Variants in RPL26 observed in about 807,000 individuals in gnomAD.
The protein encoded by RPL26 is large ribosomal subunit protein uL24.
RPL26 carries 1 observed loss-of-function variant against 16.2 expected under a neutral mutation model. The ratio of observed to expected loss-of-function variants is 0.06; its 90% CI spans 0.02 to 0.29. The LOEUF (loss-of-function observed/expected upper bound fraction) is 0.29. Among genes scored for constraint, RPL26 ranks in the 10% least tolerant of loss-of-function variants. The probability of loss-of-function intolerance (pLI) is 1.00; values close to 1 mark genes in which losing one functional copy is unlikely to be tolerated. For synonymous variants in RPL26, 55 were observed against 62.4 expected (o/e 0.88, Z 0.56); for missense variants, 102 against 184.3 (o/e 0.55, Z 2.58).
chr17:8,383,147 G>T lies in RPL26; in HGVS notation c.-6+10C>A. ...TGCTGATTACACCCGCTTGCCCGCC[G>T]AATCCTTACCCGCTCCCGCTTCGGT... On this transcript the variant is annotated intron_variant, in intron 1 of 3. Transcript: ENST00000648839. 2 of 398,652 alleles carry T rather than the reference G, an allele frequency of 5.0e-6. No individual in the cohort carries two copies. Among genetic ancestry groups the T allele is most frequent in the Non-Finnish European group, 8.8e-6 (2 of 226,106 alleles). The allele number at this position is 398,652 out of a possible 1,614,324, so 24.7% of individuals were successfully genotyped here.
Position 8,382,312 on chromosome 17 carries a change from T to G in RPL26, c.-2A>C. 1 of 1,607,246 alleles carries G rather than the reference T, an allele frequency of 6.2e-7. No individual in the cohort carries two copies. The highest frequency in any genetic ancestry group is 8.5e-7 in the Non-Finnish European group (1 of 1,176,024). ...AGTCACAAAGGGATTAAACTTCATT[T>G]TGGCTAAATAAAAAGTTAAAAAGAC... On this transcript the variant is annotated 5_prime_UTR_variant, in exon 2 of 4. Transcript: ENST00000648839.
At position 8,382,330 on chromosome 17, in the gene RPL26, A is replaced by G. The variant is rs1262443962; in HGVS notation, c.-5-15T>C. ...CTTCATTTTGGCTAAATAAAAAGTTAAAAAGACTCTTAAATGACCAAAATC... is the reference window on the plus strand; with the variant it reads ...CTTCATTTTGGCTAAATAAAAAGTTGAAAAGACTCTTAAATGACCAAAATC... On this transcript the variant is annotated splice_polypyrimidine_tract_variant and intron_variant, in intron 1 of 3. Coordinates refer to ENST00000648839, the MANE Select transcript of RPL26 (RefSeq NM_000987.5). 1 of 1,598,304 alleles carries G rather than the reference A, an allele frequency of 6.3e-7. No individual in the cohort carries two copies. The highest frequency in any genetic ancestry group is 2.2e-5 in the East Asian group (1 of 44,688).
chr17:8,383,013 G>T (rs1207538229), intron 1 of RPL26, 144 bp downstream of exon 1: 3 of 398,394 alleles, frequency 7.5e-6, no homozygotes, highest in Non-Finnish European at 1.3e-5. Context: ...ATTTAAGAAA[G>T]CAACAGATAA....
chr17:8,382,066 T>C, intron 2 of RPL26, 77 bp downstream of exon 2: 1 of 1,298,866 alleles, frequency 7.7e-7, no homozygotes, highest in Non-Finnish European at 1.1e-6. Flanking sequence ...AGCATCTTTC[T>C]CAGGAATGCA....
intron 2 of RPL26, 134 bp downstream of exon 2, chr17:8,382,009 C>T: frequency 1.4e-6 from 1 of 712,914 alleles, no homozygotes. Flanking sequence ...GTTTTTTGGT[C>T]CCTGGCTCAA....
intron 2 of RPL26, among the ~76,000 whole-genome samples, chr17:8,380,268 A>G (rs1209999508): frequency 6.6e-6 from 1 of 152,226 alleles, no homozygotes; most frequent in African/African-American, 2.4e-5. Context: ...TTGTGAGGAC[A>G]AGTATTTCTG....
intron 2 of RPL26, among the ~76,000 whole-genome samples, chr17:8,380,262 G>A (rs1261873369): frequency 2.0e-5 from 3 of 152,206 alleles, no homozygotes; most frequent in Non-Finnish European, 4.4e-5. Context: ...CTCAGTTTGT[G>A]AGGACAAGTA....
chr17:8,378,999 A>C (rs145668569), intron 3 of RPL26: 4 of 152,290 alleles, frequency 2.6e-5, no homozygotes, highest in Non-Finnish European at 5.9e-5. Context: ...GTGTTTCTCA[A>C]ACTTGAGTAA....
intron 2 of RPL26, among the ~76,000 whole-genome samples, chr17:8,381,488 GCAGGATCCC>G (rs1419924058): frequency 1.3e-5 from 2 of 152,098 alleles, no homozygotes; most frequent in African/African-American, 4.8e-5. Flanking sequence ...TGATTTTCGG[GCAGGATCCC>G]CAGGAGTTGG....
chr17:8,382,554 A>C (rs1907472985), intron 1 of RPL26: 1 of 455,434 alleles, frequency 2.2e-6, no homozygotes, highest in Admixed American at 4.0e-5. Flanking sequence ...TTTGCATCAA[A>C]AACACTTGTC....
intron 3 of RPL26, among the ~76,000 whole-genome samples, chr17:8,378,817 T>G (rs1290961787): frequency 6.6e-6 from 1 of 152,220 alleles, no homozygotes; most frequent in Non-Finnish European, 1.5e-5. Flanking sequence ...ATCACTTTGA[T>G]AGAGTAAGAA....
intron 2 of RPL26, among the ~76,000 whole-genome samples, chr17:8,380,256 G>A (rs1198857104): frequency 2.0e-5 from 3 of 152,200 alleles, no homozygotes; most frequent in African/African-American, 7.2e-5. Flanking sequence ...GTGGTCCTCA[G>A]TTTGTGAGGA....
intron 1 of RPL26, 178 bp from the exon 2 acceptor site, chr17:8,382,493 A>C (rs1907469906): frequency 1.8e-6 from 1 of 558,988 alleles, no homozygotes; most frequent in South Asian, 2.3e-5. Flanking sequence ...GAAACTTTTT[A>C]TTTTTTGTTT....
intron 3 of RPL26, chr17:8,379,181 C>A (rs1020360471): frequency 1.3e-5 from 2 of 151,024 alleles, no homozygotes; most frequent in African/African-American, 4.9e-5. Flanking sequence ...CAGTTAAGGT[C>A]TTTATTTTTT....
intron 3 of RPL26, chr17:8,379,582 T>A: frequency 1.7e-6 from 1 of 585,326 alleles, no homozygotes; most frequent in East Asian, 2.9e-5. Flanking sequence ...AAAAACAAAC[T>A]AACAGAAACA....
intron 3 of RPL26, 64 bp downstream of exon 3, chr17:8,379,732 A>G (rs945733492): frequency 2.0e-6 from 3 of 1,497,542 alleles, no homozygotes; most frequent in East Asian, 2.3e-5. Context: ...CTTGCTCTGT[A>G]AACAATCATG....
chr17:8,378,879 A>G (rs190282221), intron 3 of RPL26, among the ~76,000 whole-genome samples: 148 of 152,272 alleles, frequency 9.7e-4, no homozygotes, highest in African/African-American at 3.3e-3. Flanking sequence ...GCAAAGCCCT[A>G]CATTTGAACA....
At chr17:8,379,517 T>G (rs375237877) in intron 3 of RPL26, 1 of 526,460 alleles carries the variant, frequency 1.9e-6, no homozygotes, top group African/African-American at 1.9e-5. Context: ...GAGGCTGCAG[T>G]GAGCCGAGAT....
chr17:8,381,995 T>TA (rs1260740146), intron 2 of RPL26, 148 bp downstream of exon 2: 14 of 646,904 alleles, frequency 2.2e-5, no homozygotes, highest in Non-Finnish European at 3.8e-5. Flanking sequence ...GCAGCTTACT[T>TA]ACTGTTTTTT....
Sources: gnomAD v4.1 joint callset for allele counts (sites outside exome capture counted in the v4.1 genomes callset) on GRCh38, gnomAD v4.1.1 for gene constraint, MANE v1.5 for transcripts, NCBI Gene and HGNC (gene_info 2026-07-23, HGNC 2026-07-21) for gene names.